Variants in FAM241A observed in about 807,000 individuals in gnomAD.
FAM241A encodes the protein family with sequence similarity 241 member A.
Under a neutral mutation model 12.2 loss-of-function variants are expected in FAM241A, and 7 were observed. That is an observed-to-expected ratio of 0.58 (90% CI 0.33 to 1.08). The LOEUF is 1.08. FAM241A is among the 50% of genes least tolerant of loss of function. FAM241A has a pLI of 0.04. For missense variants in FAM241A, 161 were observed against 169.7 expected (o/e 0.95, Z 0.29); for synonymous variants, 74 against 68.2 (o/e 1.08, Z -0.42).
At chr4:112,171,224 C>T (rs2351236) in intron 1 of FAM241A, 58,688 of 716,048 alleles carry the variant, frequency 0.082, 2,975 homozygotes, top group Admixed American at 0.13. Context: ...ACATGGTAAA[C>T]ATTCCTAAAA....
intron 1 of FAM241A, among the ~76,000 whole-genome samples, chr4:112,154,376 T>C (rs1352493527): frequency 6.6e-6 from 1 of 152,178 alleles, no homozygotes; most frequent in Non-Finnish European, 1.5e-5. Flanking sequence ...CAAGCAATTC[T>C]TGTGCCTCAG....
chr4:112,180,803 T>C (rs1452804665), intron 1 of FAM241A, among the ~76,000 whole-genome samples: 1 of 152,192 alleles, frequency 6.6e-6, no homozygotes, highest in African/African-American at 2.4e-5. Context: ...ATAGATTCTC[T>C]TGAGCCTCTA....
chr4:112,146,818 G>C (rs1385467162), intron 1 of FAM241A, among the ~76,000 whole-genome samples: 2 of 152,226 alleles, frequency 1.3e-5, no homozygotes, highest in East Asian at 3.8e-4. Flanking sequence ...CTTAGCGTTA[G>C]GTTTGATCAC....
In FAM241A at chr4:112,145,658, G is replaced by A; in HGVS notation, c.78G>A (p.Arg26=). The A allele has an allele frequency of 8.2e-7, 1 of 1,217,750 alleles. No homozygotes were observed. The allele number at this position is 1,217,750 out of a possible 1,614,324, so 75.4% of individuals were successfully genotyped here. A position where few individuals can be genotyped will look rare whatever the true frequency, so the allele number is the denominator to read the frequency against. ...RDEDGDALAE[R]EAAGTGWDPG... ...AGGACGGGGACGCGCTGGCGGAGCGGGAGGCGGCAGGGACCGGGTGGGATC... is the reference window on the plus strand; with the variant it reads ...AGGACGGGGACGCGCTGGCGGAGCGAGAGGCGGCAGGGACCGGGTGGGATC... Residue 26 remains arginine (R), a synonymous_variant, in exon 1 of 2, where the codon CGG becomes CGA. Transcript: ENST00000309733.
chr4:112,145,780 C>G (rs1257532453), intron 1 of FAM241A, 47 bp downstream of exon 1: 23 of 1,106,150 alleles, frequency 2.1e-5, no homozygotes, highest in Non-Finnish European at 1.3e-5. Context: ...TCGGGGGCCG[C>G]GAGCCCCGCC....
chr4:112,159,221 G>A (rs1213865819), intron 1 of FAM241A, among the ~76,000 whole-genome samples: 1 of 152,174 alleles, frequency 6.6e-6, no homozygotes, highest in Non-Finnish European at 1.5e-5. Flanking sequence ...GTAGAGTAAA[G>A]CAATTTAAGT....
intron 1 of FAM241A, among the ~76,000 whole-genome samples, chr4:112,174,328 G>A (rs1723779392): frequency 6.6e-6 from 1 of 152,202 alleles, no homozygotes; most frequent in South Asian, 2.1e-4. Flanking sequence ...CCCAGGGAAT[G>A]GTGCAATGGT....
In FAM241A at chr4:112,187,880, A is replaced by G. The variant is rs1578381574; in HGVS notation, c.*942A>G. The G allele has an allele frequency of 6.6e-6, 1 of 151,898 alleles. No homozygotes were observed. Among genetic ancestry groups the G allele is most frequent in the South Asian group, 2.1e-4 (1 of 4,820 alleles). 9.4% of individuals were successfully genotyped at this position (151,898 alleles called of 1,614,324 possible). A position where few individuals can be genotyped will look rare whatever the true frequency, so the allele number is the denominator to read the frequency against. Reference sequence around the variant, plus strand: ...TTTTTTCACAAAAAATTTGTATTTTACTGTTGTTTTCAGGAAAAAAATCAG... The same window carrying G: ...TTTTTTCACAAAAAATTTGTATTTTGCTGTTGTTTTCAGGAAAAAAATCAG... On this transcript the variant is annotated 3_prime_UTR_variant, in exon 2 of 2. Transcript: ENST00000309733.
chr4:112,149,975 A>G (rs958981967), intron 1 of FAM241A, among the ~76,000 whole-genome samples: 2 of 152,090 alleles, frequency 1.3e-5, no homozygotes, highest in Non-Finnish European at 2.9e-5. Flanking sequence ...GTAATTTCGT[A>G]TATACACACA....
intron 1 of FAM241A, among the ~76,000 whole-genome samples, chr4:112,180,696 G>A (rs1723917342): frequency 6.6e-6 from 1 of 152,038 alleles, no homozygotes; most frequent in South Asian, 2.1e-4. Context: ...GTTAACTACT[G>A]AAGAATGGTC....
chr4:112,153,110 G>C (rs1352709217), intron 1 of FAM241A, among the ~76,000 whole-genome samples: 1 of 152,094 alleles, frequency 6.6e-6, no homozygotes, highest in Non-Finnish European at 1.5e-5. Flanking sequence ...TGTTAAGATT[G>C]TGAAACAATG....
chr4:112,163,294 C>A (rs1251540346), intron 1 of FAM241A, among the ~76,000 whole-genome samples: 3 of 152,064 alleles, frequency 2.0e-5, no homozygotes, highest in Middle Eastern at 3.2e-3. Context: ...GCAACAAAAG[C>A]CAAAATTGAC....
In FAM241A at chr4:112,171,953, A is replaced by G. The variant is rs115454066; in HGVS notation, c.154-14740A>G. Among the ~76,000 whole-genome samples the G allele has an allele frequency of 3.6e-3, 541 of 152,360 alleles. 3 individuals carry two copies. Among genetic ancestry groups the G allele is most frequent in the African/African-American group, 0.012 (484 of 41,582 alleles). On this transcript the variant is annotated intron_variant, in intron 1 of 1. Transcript: ENST00000309733. Reference sequence around the variant, plus strand: ...TAAGTGAATCAAGACAAGTATAACTAAACTGCTTTTAAAAACTGATACATT... The same window carrying G: ...TAAGTGAATCAAGACAAGTATAACTGAACTGCTTTTAAAAACTGATACATT...
rs1454818680 is a variant in FAM241A, at chr4:112,195,054, G to A, written c.*8116G>A. On this transcript the variant is annotated 3_prime_UTR_variant, in exon 2 of 2. Transcript: ENST00000309733. ...CCCAAAGTGCTGGGATTACAGGCGT[G>A]AGCCACTGCACCCGGCCTACATTTT... is the stretch of plus-strand genomic sequence containing the variant. 1 of 152,232 alleles carries A rather than the reference G, an allele frequency of 6.6e-6. No homozygotes were observed. The highest frequency in any genetic ancestry group is 1.5e-5 in the Non-Finnish European group (1 of 68,066). The allele number at this position is 152,232 out of a possible 1,614,324, so 9.4% of individuals were successfully genotyped here. A position where few individuals can be genotyped will look rare whatever the true frequency, so the allele number is the denominator to read the frequency against.
chr4:112,179,914 G>GAC (rs1479640205), intron 1 of FAM241A, among the ~76,000 whole-genome samples: 7,397 of 117,402 alleles, frequency 0.063, 564 homozygotes, highest in Admixed American at 0.13. Context: ...AAGAAAATGT[G>GAC]ATATATATAT....
At chr4:112,181,111 C>T (rs1265846511) in intron 1 of FAM241A, among the ~76,000 whole-genome samples, 1 of 152,154 alleles carries the variant, frequency 6.6e-6, no homozygotes, top group Non-Finnish European at 1.5e-5. Flanking sequence ...GAGAAAATTA[C>T]TCTTAGAATC....
chr4:112,161,683 A>G (rs552693583), intron 1 of FAM241A, among the ~76,000 whole-genome samples: 6 of 152,334 alleles, frequency 3.9e-5, no homozygotes, highest in Non-Finnish European at 8.8e-5. Flanking sequence ...TAGCAACCAA[A>G]AAAAGTCTAG....
intron 1 of FAM241A, among the ~76,000 whole-genome samples, chr4:112,185,528 C>G (rs1463683400): frequency 6.6e-6 from 1 of 152,202 alleles, no homozygotes; most frequent in Non-Finnish European, 1.5e-5. Flanking sequence ...ATCACCAAGA[C>G]AACCACTCAT....
intron 1 of FAM241A, among the ~76,000 whole-genome samples, chr4:112,163,430 C>T (rs1315998160): frequency 6.6e-6 from 1 of 152,174 alleles, no homozygotes; most frequent in East Asian, 1.9e-4. Context: ...GGCTAATATA[C>T]AGAATCTACA....
Sources: gnomAD v4.1 joint callset for allele counts (sites outside exome capture counted in the v4.1 genomes callset) on GRCh38, gnomAD v4.1.1 for gene constraint, MANE v1.5 for transcripts, NCBI Gene and HGNC (gene_info 2026-07-23, HGNC 2026-07-21) for gene names.